Variants in TACR1 observed in about 807,000 individuals in gnomAD.
The protein encoded by TACR1 is substance-P receptor.
Under a neutral mutation model 35.8 loss-of-function variants are expected in TACR1, and 25 were observed. The observed-to-expected ratio is 0.70, with a 90% CI of 0.51 to 0.98. The LOEUF (loss-of-function observed/expected upper bound fraction) is 0.98. Ranked by LOEUF, TACR1 falls within the 50% of genes least tolerant of loss-of-function variation. The probability of loss-of-function intolerance (pLI) is 0.00; values close to 1 mark genes in which losing one functional copy is unlikely to be tolerated. For synonymous variants in TACR1, 195 were observed against 206.7 expected (o/e 0.94, Z 0.48); for missense variants, 478 against 522.9 (o/e 0.91, Z 0.84).
At chr2:75,178,341 C>T (rs966822466) in intron 1 of TACR1, among the ~76,000 whole-genome samples, 6 of 152,136 alleles carry the variant, frequency 3.9e-5, no homozygotes, top group Non-Finnish European at 8.8e-5. Context: ...CCCTCCACCA[C>T]GCCTGGCTAA....
At chr2:75,188,557 G>A (rs1387028930) in intron 1 of TACR1, 2 of 152,176 alleles carry the variant, frequency 1.3e-5, no homozygotes. Flanking sequence ...TAAAGGCAGA[G>A]TATCATTACA....
At chr2:75,060,484 G>A (rs563859105) in intron 2 of TACR1, among the ~76,000 whole-genome samples, 3 of 152,256 alleles carry the variant, frequency 2.0e-5, no homozygotes, top group African/African-American at 7.2e-5. Context: ...CAAGTGCAAA[G>A]GCATGGGGGA....
intron 2 of TACR1, 119 bp downstream of exon 2, chr2:75,120,455 G>A: frequency 1.1e-6 from 1 of 918,060 alleles, no homozygotes; most frequent in South Asian, 1.9e-5. Context: ...AGAAATGCTT[G>A]CAGATACACA....
At chr2:75,154,410 G>GCACACACACACACACA (rs766455987) in intron 1 of TACR1, 3 of 75,414 alleles carry the variant, frequency 4.0e-5, no homozygotes, top group African/African-American at 1.5e-4. Context: ...GAGCGCGCAC[G>GCACACACACACACACA]CACACACACA....
intron 2 of TACR1, among the ~76,000 whole-genome samples, chr2:75,109,739 A>T (rs1673715678): frequency 6.6e-6 from 1 of 152,244 alleles, no homozygotes; most frequent in Admixed American, 6.5e-5. Flanking sequence ...TTACAACATT[A>T]AAAATGCAGA....
chr2:75,096,600 G>A (rs1196334637), intron 2 of TACR1, among the ~76,000 whole-genome samples: 1 of 152,240 alleles, frequency 6.6e-6, no homozygotes, highest in Non-Finnish European at 1.5e-5. Flanking sequence ...CGACACTTTG[G>A]TACATATTTA....
At chr2:75,197,146 A>G (rs1002895164) in intron 1 of TACR1, among the ~76,000 whole-genome samples, 2 of 152,174 alleles carry the variant, frequency 1.3e-5, no homozygotes, top group Non-Finnish European at 2.9e-5. Context: ...TAAAATACAA[A>G]CTGATTTTCC....
At chr2:75,067,365 C>T (rs1573463592) in intron 2 of TACR1, among the ~76,000 whole-genome samples, 1 of 152,096 alleles carries the variant, frequency 6.6e-6, no homozygotes, top group East Asian at 1.9e-4. Flanking sequence ...CAGTTATGGG[C>T]GAGGAACATG....
intron 1 of TACR1, among the ~76,000 whole-genome samples, chr2:75,172,304 T>G (rs3771848): frequency 0.058 from 8,860 of 152,198 alleles, 298 homozygotes; most frequent in Middle Eastern, 0.082. Context: ...CCATCCCAAG[T>G]TTTTGAACCT....
chr2:75,169,744 T>C (rs1012164081), intron 1 of TACR1, among the ~76,000 whole-genome samples: 4 of 152,212 alleles, frequency 2.6e-5, no homozygotes, highest in African/African-American at 7.2e-5. Flanking sequence ...TTTTATTCTA[T>C]TGTAATTTTA....
chr2:75,195,201 T>C (rs146323077), intron 1 of TACR1, among the ~76,000 whole-genome samples: 64 of 152,352 alleles, frequency 4.2e-4, no homozygotes, highest in Non-Finnish European at 6.9e-4. Flanking sequence ...CCCTGGTATT[T>C]GTTGGAGTTT....
intron 1 of TACR1, among the ~76,000 whole-genome samples, chr2:75,167,861 A>C (rs1226966585): frequency 6.6e-6 from 1 of 152,214 alleles, no homozygotes. Flanking sequence ...GAAATAAGCC[A>C]ATAAATTCAA....
chr2:75,068,766 T>A (rs1672818605), intron 2 of TACR1, among the ~76,000 whole-genome samples: 1 of 152,130 alleles, frequency 6.6e-6, no homozygotes, highest in South Asian at 2.1e-4. Context: ...AGCACCCCCT[T>A]GAGTTGTGCA....
At chr2:75,134,060 C>T (rs1674230560) in intron 1 of TACR1, among the ~76,000 whole-genome samples, 1 of 152,176 alleles carries the variant, frequency 6.6e-6, no homozygotes, top group South Asian at 2.1e-4. Flanking sequence ...GGAAGTTACC[C>T]TGCACGGTCT....
intron 1 of TACR1, among the ~76,000 whole-genome samples, chr2:75,161,288 G>A (rs564940764): frequency 1.1e-4 from 17 of 152,130 alleles, no homozygotes; most frequent in African/African-American, 3.4e-4. Context: ...GAAAATTAAA[G>A]CTTAATAATA....
intron 2 of TACR1, among the ~76,000 whole-genome samples, chr2:75,057,476 C>T (rs1345809310): frequency 5.9e-5 from 9 of 152,294 alleles, no homozygotes; most frequent in South Asian, 2.1e-4. Flanking sequence ...TTCACATGGA[C>T]GCGAGTGAAA....
intron 1 of TACR1, among the ~76,000 whole-genome samples, chr2:75,191,241 T>C (rs1250677801): frequency 6.6e-6 from 1 of 152,176 alleles, no homozygotes; most frequent in Admixed American, 6.5e-5. Context: ...CCTGTGTCTA[T>C]CGTATTTTTA....
At chr2:75,139,397 A>G (rs1674357430) in intron 1 of TACR1, among the ~76,000 whole-genome samples, 1 of 152,250 alleles carries the variant, frequency 6.6e-6, no homozygotes, top group Admixed American at 6.5e-5. Flanking sequence ...AATCCAGGCT[A>G]TCTGACTTTA....
chr2:75,102,743 TA>T (rs1673563946), intron 2 of TACR1, among the ~76,000 whole-genome samples: 1 of 152,182 alleles, frequency 6.6e-6, no homozygotes, highest in Admixed American at 6.6e-5. Context: ...TTGGTAAGTA[TA>T]TGCCAAATAA....
Sources: allele counts gnomAD v4.1 joint callset (sites outside exome capture counted in the v4.1 genomes callset), GRCh38; gene constraint gnomAD v4.1.1; transcripts MANE v1.5; gene names NCBI Gene and HGNC (gene_info 2026-07-23, HGNC 2026-07-21).